ADIPOR1: variants seen among roughly 807,000 people sequenced by gnomAD.
The protein encoded by ADIPOR1 is adiponectin receptor protein 1.
A neutral mutation model predicts 37.5 loss-of-function variants in ADIPOR1; 15 were observed. The ratio of observed to expected loss-of-function variants is 0.40; its 90% CI spans 0.27 to 0.62. The LOEUF is 0.62. ADIPOR1 is among the 20% of genes least tolerant of loss of function. The pLI is 0.42. For synonymous variants in ADIPOR1, 173 were observed against 173.2 expected (o/e 1.00, Z 0.01); for missense variants, 286 against 478.0 (o/e 0.60, Z 3.75).
At chr1:202,955,936 C>T (rs573170633) in intron 1 of ADIPOR1, among the ~76,000 whole-genome samples, 3 of 152,318 alleles carry the variant, frequency 2.0e-5, no homozygotes, top group East Asian at 1.9e-4. Flanking sequence ...CCACCACATC[C>T]GGATAATTTT....
chr1:202,945,149 A>G lies in ADIPOR1; in HGVS notation c.451T>C (p.Leu151=). The G allele has an allele frequency of 6.2e-7, 1 of 1,610,460 alleles. No individual in the cohort carries two copies. The highest frequency in any genetic ancestry group is 8.5e-7 in the Non-Finnish European group (1 of 1,178,916). The change falls in exon 5 of 8, where the codon TTG becomes CTG. Residue 151 remains leucine (L), a synonymous_variant. Transcript: ENST00000340990. ...GGTCTGAGCATGGTCAAGATTCCCA[A>G]AAAGAGAAACAGCACGAAACCTGCA... ...HLLGFVLFLF[L]GILTMLRPNM...
chr1:202,941,366 A>G lies in ADIPOR1; in HGVS notation c.*207T>C, dbSNP rs1204315924. 4.2e-6 allele frequency: 2 copies of G among 481,470 alleles called. No homozygotes were observed. The highest frequency in any genetic ancestry group is 6.9e-6 in the Non-Finnish European group (2 of 288,310). 29.8% of individuals were successfully genotyped at this position (481,470 alleles called of 1,614,324 possible). On this transcript the variant is annotated 3_prime_UTR_variant, in exon 8 of 8. Transcript: ENST00000340990. ...GCTGAGGAGGGGATGGCTAAGTTTG[A>G]CCATGCCCCATCCCCAGCTAGGAGA...
intron 1 of ADIPOR1, among the ~76,000 whole-genome samples, chr1:202,954,478 C>G (rs1249303140): frequency 2.0e-5 from 3 of 152,190 alleles, no homozygotes; most frequent in Non-Finnish European, 4.4e-5. Context: ...AGAACAAACC[C>G]CTAAGGTGTT....
At chr1:202,947,516 C>CAA (rs146658257) in intron 3 of ADIPOR1, among the ~76,000 whole-genome samples, 31,123 of 150,108 alleles carry the variant, frequency 0.21, 3,851 homozygotes, top group Non-Finnish European at 0.29. Flanking sequence ...AACTCTGTCT[C>CAA]AAAAAAATAT....
Position 202,941,432 on chromosome 1 carries a change from G to A in ADIPOR1, c.*141C>T, listed in dbSNP as rs1330891078. ...TTATTGCCCAGTGGGTGTGAAAGTG[G>A]GCTGAAGCTTGGTTGGTACTGAATT... On this transcript the variant is annotated 3_prime_UTR_variant, in exon 8 of 8. Coordinates refer to ENST00000340990, the MANE Select transcript of ADIPOR1 (RefSeq NM_015999.6). The A allele has an allele frequency of 9.5e-7, 1 of 1,048,888 alleles. No individual in the cohort carries two copies. Among genetic ancestry groups the A allele is most frequent in the Non-Finnish European group, 1.3e-6 (1 of 754,242 alleles). 65.0% of individuals were successfully genotyped at this position (1,048,888 alleles called of 1,614,324 possible).
At chr1:202,952,558 C>G (rs1277698519) in intron 1 of ADIPOR1, among the ~76,000 whole-genome samples, 1 of 152,176 alleles carries the variant, frequency 6.6e-6, no homozygotes, top group Non-Finnish European at 1.5e-5. Context: ...TGTCTCTCCC[C>G]CTCCTTCCCT....
chr1:202,947,513 T>C (rs1654382549), intron 3 of ADIPOR1, among the ~76,000 whole-genome samples: 1 of 144,404 alleles, frequency 6.9e-6, no homozygotes, highest in Non-Finnish European at 1.6e-5. Context: ...CAAAACTCTG[T>C]CTCAAAAAAA....
intron 1 of ADIPOR1, chr1:202,954,311 T>C (rs1419850335): frequency 6.6e-6 from 1 of 152,136 alleles, no homozygotes; most frequent in Non-Finnish European, 1.5e-5. Flanking sequence ...TTCTAAACTG[T>C]AGTAACACAG....
intron 1 of ADIPOR1, among the ~76,000 whole-genome samples, chr1:202,957,431 A>G (rs1423687723): frequency 6.6e-6 from 1 of 151,966 alleles, no homozygotes; most frequent in Non-Finnish European, 1.5e-5. Context: ...TGGCCTTGTC[A>G]GTTTCCCATT....
At chr1:202,941,986 C>T in intron 7 of ADIPOR1, 39 bp downstream of exon 7, 1 of 1,577,216 alleles carries the variant, frequency 6.3e-7, no homozygotes. Flanking sequence ...GGGCTGTTCA[C>T]TCACCATCAC....
intron 3 of ADIPOR1, 136 bp from the exon 4 acceptor site, chr1:202,946,746 G>T: frequency 2.6e-6 from 2 of 783,690 alleles, no homozygotes; most frequent in Non-Finnish European, 4.1e-6. Context: ...AACCAGCCTG[G>T]ACTGGGGGAT....
Position 202,941,050 on chromosome 1 carries a change from A to G in ADIPOR1, c.*523T>C, listed in dbSNP as rs113890019. On this transcript the variant is annotated 3_prime_UTR_variant, in exon 8 of 8. Coordinates refer to ENST00000340990, the MANE Select transcript of ADIPOR1 (RefSeq NM_015999.6). ...ACTTCCATGATTAGCCGGGCTAGGTAAAAGTTGGTGGCTTTATTCTTCCTG... is the reference window on the plus strand; with the variant it reads ...ACTTCCATGATTAGCCGGGCTAGGTGAAAGTTGGTGGCTTTATTCTTCCTG... 8.5e-5 allele frequency: 13 copies of G among 152,742 alleles called. No individual in the cohort carries two copies. The highest frequency in any genetic ancestry group is 2.6e-4 in the African/African-American group (11 of 41,570). The allele number at this position is 152,742 out of a possible 1,614,324, so 9.5% of individuals were successfully genotyped here.
chr1:202,955,276 C>T (rs2102495478), intron 1 of ADIPOR1, among the ~76,000 whole-genome samples: 1 of 151,178 alleles, frequency 6.6e-6, no homozygotes, highest in Admixed American at 6.6e-5. Flanking sequence ...GGCTGGAGTG[C>T]AGTGGTGTGA....
chr1:202,949,376 C>T (rs1236924479), intron 2 of ADIPOR1, among the ~76,000 whole-genome samples: 12 of 150,988 alleles, frequency 7.9e-5, no homozygotes, highest in African/African-American at 2.7e-4. Flanking sequence ...GTCAGGAGAT[C>T]GAGACCATCC....
intron 1 of ADIPOR1, among the ~76,000 whole-genome samples, chr1:202,955,594 A>G (rs565658563): frequency 5.9e-4 from 89 of 151,080 alleles, no homozygotes; most frequent in African/African-American, 2.1e-3. Flanking sequence ...ATGCCAGCCC[A>G]TTTTTTCTTT....
intron 3 of ADIPOR1, among the ~76,000 whole-genome samples, chr1:202,947,892 G>A (rs1402108919): frequency 1.3e-5 from 2 of 152,130 alleles, no homozygotes; most frequent in Non-Finnish European, 2.9e-5. Context: ...ATAGAAATCA[G>A]ATACTCTCAC....
chr1:202,947,783 T>C (rs965573788), intron 3 of ADIPOR1, among the ~76,000 whole-genome samples: 2 of 152,024 alleles, frequency 1.3e-5, no homozygotes, highest in African/African-American at 2.4e-5. Flanking sequence ...ATGGAAAAAA[T>C]TGTATTTCCA....
chr1:202,951,206 T>C lies in ADIPOR1; in HGVS notation c.-94-42A>G, dbSNP rs1003941802. 4.3e-5 allele frequency: 43 copies of C among 1,004,270 alleles called. 1 individual carries two copies. The South Asian group carries it at 7.1e-4, about 17-fold the overall frequency. The allele number at this position is 1,004,270 out of a possible 1,614,324, so 62.2% of individuals were successfully genotyped here. On this transcript the variant is annotated intron_variant, in intron 1 of 7. Transcript: ENST00000340990. Reference sequence around the variant, plus strand: ...ACATGAAGGATTGACAATTTATTCCTCTTACAGTTTCATTTCTATACTCTA... The same window carrying C: ...ACATGAAGGATTGACAATTTATTCCCCTTACAGTTTCATTTCTATACTCTA...
chr1:202,948,041 T>C (rs754987751), intron 3 of ADIPOR1, among the ~76,000 whole-genome samples: 5 of 152,238 alleles, frequency 3.3e-5, no homozygotes, highest in Non-Finnish European at 5.9e-5. Context: ...TACTGTCATA[T>C]TGAAATATTT....
Sources: gnomAD v4.1 joint callset for allele counts (sites outside exome capture counted in the v4.1 genomes callset) on GRCh38, gnomAD v4.1.1 for gene constraint, MANE v1.5 for transcripts, NCBI Gene and HGNC (gene_info 2026-07-23, HGNC 2026-07-21) for gene names.